The following LSAMP variants were observed in gnomAD, a reference collection of about 807,000 sequenced individuals.
LSAMP encodes the protein limbic system-associated membrane protein.
LSAMP carries 7 observed loss-of-function variants against 38.6 expected under a neutral mutation model. The ratio of observed to expected loss-of-function variants is 0.18; its 90% CI spans 0.10 to 0.34. LSAMP has a LOEUF of 0.34. Among genes scored for constraint, LSAMP ranks in the 10% least tolerant of loss-of-function variants. The pLI is 1.00. For missense variants in LSAMP, 313 were observed against 420.0 expected, an observed-to-expected ratio of 0.75 and a Z score of 2.23; for synonymous variants, 154 against 166.8, an observed-to-expected ratio of 0.92 and a Z score of 0.59.
chr3:116,391,090 T>C (rs1174601559), intron 1 of LSAMP, among the ~76,000 whole-genome samples: 3 of 152,224 alleles, frequency 2.0e-5, no homozygotes, highest in African/African-American at 2.4e-5. Context: ...TGCATCATAT[T>C]GCACTCCCAT....
intron 1 of LSAMP, among the ~76,000 whole-genome samples, chr3:116,329,708 A>G (rs912328993): frequency 1.3e-5 from 2 of 152,132 alleles, no homozygotes; most frequent in African/African-American, 4.8e-5. Flanking sequence ...TAAAAACTGG[A>G]GTAGAACAAA....
intron 2 of LSAMP, among the ~76,000 whole-genome samples, chr3:116,052,043 A>G (rs1941406056): frequency 6.6e-6 from 1 of 152,218 alleles, no homozygotes; most frequent in Non-Finnish European, 1.5e-5. Context: ...AGAAAATTGT[A>G]TAGTAGGGAG....
At chr3:116,407,397 C>A (rs540555886) in intron 1 of LSAMP, among the ~76,000 whole-genome samples, 1 of 152,088 alleles carries the variant, frequency 6.6e-6, no homozygotes, top group South Asian at 2.1e-4. Flanking sequence ...ATTCTCAATA[C>A]TGATTATTGC....
chr3:116,379,178 T>G (rs2048527845), intron 1 of LSAMP, among the ~76,000 whole-genome samples: 1 of 152,056 alleles, frequency 6.6e-6, no homozygotes, highest in South Asian at 2.1e-4. Flanking sequence ...GACTATACAT[T>G]GTATTGCTAT....
At chr3:115,824,319 A>C (rs987477237) in intron 6 of LSAMP, among the ~76,000 whole-genome samples, 2 of 152,192 alleles carry the variant, frequency 1.3e-5, no homozygotes, top group Non-Finnish European at 2.9e-5. Context: ...CCTAAAATGC[A>C]CCTTGGCCCT....
intron 6 of LSAMP, among the ~76,000 whole-genome samples, chr3:115,839,344 C>T (rs1181796636): frequency 6.8e-6 from 1 of 146,202 alleles, no homozygotes; most frequent in Admixed American, 7.1e-5. Flanking sequence ...TATCTCCCTC[C>T]CTCTCTTTTC....
intron 1 of LSAMP, among the ~76,000 whole-genome samples, chr3:116,194,761 A>G (rs1206675907): frequency 1.3e-5 from 2 of 152,158 alleles, no homozygotes; most frequent in East Asian, 3.9e-4. Context: ...GCTCAGCTAA[A>G]TCATTGATCG....
Position 116,337,076 on chromosome 3 carries a change from C to T in LSAMP, c.155+107801G>A, listed in dbSNP as rs183316814. On this transcript the variant is annotated intron_variant, in intron 1 of 6. Coordinates refer to ENST00000490035, the MANE Select transcript of LSAMP (RefSeq NM_002338.5). ...TAAATGAAATAAATCAGTCACAAAA[C>T]GACACATACTATCAGATTGAACTTA... Among the ~76,000 whole-genome samples, 687 of 151,666 alleles carry T rather than the reference C, an allele frequency of 4.5e-3. 6 individuals are homozygous for T. The highest frequency in any genetic ancestry group is 0.016 in the African/African-American group (659 of 41,378).
intron 1 of LSAMP, among the ~76,000 whole-genome samples, chr3:116,420,987 A>T (rs1002252291): frequency 1.3e-4 from 20 of 152,246 alleles, no homozygotes; most frequent in Admixed American, 9.2e-4. Context: ...ACATTGAAAA[A>T]AATATAAATT....
intron 6 of LSAMP, among the ~76,000 whole-genome samples, chr3:115,829,305 A>G (rs977141796): frequency 4.6e-5 from 7 of 152,178 alleles, no homozygotes; most frequent in African/African-American, 1.7e-4. Context: ...AAATATTGGT[A>G]CAATTATCCC....
chr3:116,409,960 C>T (rs142602489), intron 1 of LSAMP, among the ~76,000 whole-genome samples: 74 of 152,184 alleles, frequency 4.9e-4, no homozygotes, highest in Non-Finnish European at 8.4e-4. Flanking sequence ...TCCTCTGCCA[C>T]GACATTTCTC....
chr3:116,274,966 A>AC (rs1332236531), intron 1 of LSAMP, among the ~76,000 whole-genome samples: 1 of 151,744 alleles, frequency 6.6e-6, no homozygotes, highest in Admixed American at 6.6e-5. Flanking sequence ...AAAAAAAAAA[A>AC]AAACTGCTGC....
At position 116,042,272 on chromosome 3, in the gene LSAMP, G is replaced by C. The variant is rs566811309; in HGVS notation, c.389-22632C>G. On this transcript the variant is annotated intron_variant, in intron 2 of 6. Coordinates refer to ENST00000490035, the MANE Select transcript of LSAMP (RefSeq NM_002338.5). ...CACATAATTGTTCATTTAATCCTCT[G>C]TCCTACTGTAGGAGCTATTAATGGT... Among the ~76,000 whole-genome samples, 7 of 152,216 alleles carry C rather than the reference G, an allele frequency of 4.6e-5. No homozygotes were observed. The South Asian group carries it at 1.5e-3, about 32-fold the overall frequency.
At chr3:116,230,132 A>G (rs2046387319) in intron 1 of LSAMP, among the ~76,000 whole-genome samples, 1 of 152,148 alleles carries the variant, frequency 6.6e-6, no homozygotes, top group African/African-American at 2.4e-5. Context: ...TCCTCATGAC[A>G]TTTTGATTGC....
At chr3:115,825,777 C>T (rs1240965751) in intron 6 of LSAMP, among the ~76,000 whole-genome samples, 1 of 151,982 alleles carries the variant, frequency 6.6e-6, no homozygotes, top group Non-Finnish European at 1.5e-5. Context: ...TTGGGATATC[C>T]ATCACTTTAA....
At chr3:115,861,853 C>CAT (rs34314455) in intron 3 of LSAMP, among the ~76,000 whole-genome samples, 29,375 of 151,948 alleles carry the variant, frequency 0.19, 3,611 homozygotes, top group African/African-American at 0.33. Context: ...GTAATCTACA[C>CAT]GAGTTGTAAT....
intron 1 of LSAMP, among the ~76,000 whole-genome samples, chr3:116,156,106 A>G (rs1487587801): frequency 6.6e-6 from 1 of 152,146 alleles, no homozygotes; most frequent in Non-Finnish European, 1.5e-5. Context: ...GTGATTTAGG[A>G]CACTGGTGAA....
rs1280671512 is a variant in LSAMP at position 115,857,459 on chromosome 3, C to T, written c.515-4842G>A. On this transcript the variant is annotated intron_variant, in intron 3 of 6. Transcript: ENST00000490035. ...CCTATGGTTTAAGTTCTCTGGTAGACGAGTTCTATGGCCACAATTTGGGTC... is the reference window on the plus strand; with the variant it reads ...CCTATGGTTTAAGTTCTCTGGTAGATGAGTTCTATGGCCACAATTTGGGTC... Among the ~76,000 whole-genome samples, 5 of 152,278 alleles carry T rather than the reference C, an allele frequency of 3.3e-5. No homozygotes were observed. The East Asian group carries it at 5.8e-4, about 18-fold the overall frequency.
chr3:116,034,190 G>T (rs6787872), intron 2 of LSAMP, among the ~76,000 whole-genome samples: 70,626 of 151,826 alleles, frequency 0.47, 18,083 homozygotes, highest in African/African-American at 0.69. Flanking sequence ...CCTGACATGA[G>T]GGATCCTTTG....
Sources: gnomAD v4.1 joint callset for allele counts (sites outside exome capture counted in the v4.1 genomes callset) on GRCh38, gnomAD v4.1.1 for gene constraint, MANE v1.5 for transcripts, NCBI Gene and HGNC (gene_info 2026-07-23, HGNC 2026-07-21) for gene names.